RAD50: variants seen among roughly 807,000 people sequenced by gnomAD.
RAD50 encodes DNA repair protein RAD50.
A neutral mutation model predicts 168.8 loss-of-function variants in RAD50; 132 were observed. That is an observed-to-expected ratio of 0.78 (90% CI 0.68 to 0.90). The LOEUF (loss-of-function observed/expected upper bound fraction) is 0.90. RAD50 is among the 40% of genes least tolerant of loss of function. RAD50 has a pLI of 0.00. For missense variants in RAD50, 1,347 were observed against 1,534.4 expected (o/e 0.88, Z 2.04); for synonymous variants, 525 against 497.4 (o/e 1.06, Z -0.74).
At chr5:132,592,177 T>C in intron 11 of RAD50, 143 bp downstream of exon 11, 1 of 888,660 alleles carries the variant, frequency 1.1e-6, no homozygotes, top group Non-Finnish European at 1.7e-6. Context: ...CTTCAGAAAG[T>C]TCATGGAAAA....
intron 21 of RAD50, among the ~76,000 whole-genome samples, chr5:132,631,661 T>G (rs1188604016): frequency 6.6e-6 from 1 of 152,174 alleles, no homozygotes; most frequent in Non-Finnish European, 1.5e-5. Context: ...AAAGTCCAAG[T>G]GATAAAAGCG....
In RAD50 at chr5:132,632,583, A is replaced by G. The variant is rs1230496541; in HGVS notation, c.3390-4532A>G. On this transcript the variant is annotated intron_variant, in intron 21 of 24. Transcript: ENST00000378823. ...ATATTCTGTAAAATGCATGATATCT[A>G]CTTTATTTAACCACTATTGAACATA... Among the ~76,000 whole-genome samples the G allele has an allele frequency of 2.0e-5, 3 of 152,124 alleles. 1 individual carries two copies. Among genetic ancestry groups the G allele is most frequent in the African/African-American group, 7.2e-5 (3 of 41,394 alleles).
chr5:132,643,744 TA>T lies in RAD50; in HGVS notation c.*1382del. The T allele has an allele frequency of 4.4e-6, 1 of 225,458 alleles. No homozygotes were observed. 14.0% of individuals were successfully genotyped at this position (225,458 alleles called of 1,614,324 possible). A position where few individuals can be genotyped will look rare whatever the true frequency, so the allele number is the denominator to read the frequency against. ...GTGGGGTGGGGGGGGGTCCTAAATGTAATCACGAGTAAGATTAAGAGCAAAT... is the reference window on the plus strand; with the variant it reads ...GTGGGGTGGGGGGGGGTCCTAAATGTATCACGAGTAAGATTAAGAGCAAAT... On this transcript the variant is annotated 3_prime_UTR_variant, in exon 25 of 25. Coordinates refer to ENST00000378823, the MANE Select transcript of RAD50 (RefSeq NM_005732.4).
At chr5:132,638,606 T>C (rs1751646165) in intron 23 of RAD50, among the ~76,000 whole-genome samples, 1 of 152,176 alleles carries the variant, frequency 6.6e-6, no homozygotes, top group African/African-American at 2.4e-5. Flanking sequence ...CCATAAGATG[T>C]TTCAGAATCA....
intron 21 of RAD50, among the ~76,000 whole-genome samples, chr5:132,619,702 G>A (rs1196676340): frequency 6.7e-6 from 1 of 149,774 alleles, no homozygotes; most frequent in East Asian, 2.0e-4. Context: ...GATGACACTG[G>A]ATTTGATTTT....
chr5:132,640,543 T>G lies in RAD50; in HGVS notation c.3619-129T>G. 4.7e-6 allele frequency: 6 copies of G among 1,287,216 alleles called. No individual in the cohort carries two copies. The South Asian group carries it at 7.2e-5, about 15-fold the overall frequency. The allele number at this position is 1,287,216 out of a possible 1,614,324, so 79.7% of individuals were successfully genotyped here. On this transcript the variant is annotated intron_variant, in intron 23 of 24. Transcript: ENST00000378823. ...AGTGCTGGGCTCTCCCAGAGGGCAG[T>G]GCTTTACCTAACAGTGAACCTGTGA...
chr5:132,588,001 A>G lies in RAD50; in HGVS notation c.963A>G (p.Lys321=), dbSNP rs1554098197. 2 of 1,611,726 alleles carry G rather than the reference A, an allele frequency of 1.2e-6. No homozygotes were observed. The highest frequency in any genetic ancestry group is 1.7e-6 in the Non-Finnish European group (2 of 1,177,980). The change falls in exon 7 of 25, where the codon AAA becomes AAG. Residue 321 remains lysine (K), a synonymous_variant. Transcript: ENST00000378823. ...HQRTVREKER[K]LVDCHRELEK... is the part of the protein sequence containing the mutation. ...GAACAGTAAGGGAGAAAGAAAGGAA[A>G]TTGGTAGACTGTCATCGTGAACTGG... is the stretch of plus-strand genomic sequence containing the variant.
chr5:132,582,611 C>CT (rs1483653346), intron 5 of RAD50, among the ~76,000 whole-genome samples: 2 of 152,152 alleles, frequency 1.3e-5, no homozygotes, highest in African/African-American at 2.4e-5. Flanking sequence ...ATCCTGTCCT[C>CT]TTTTTTTGGC....
At chr5:132,618,998 TG>T (rs1292180311) in intron 21 of RAD50, among the ~76,000 whole-genome samples, 4 of 152,332 alleles carry the variant, frequency 2.6e-5, no homozygotes, top group Non-Finnish European at 4.4e-5. Context: ...TTTTTAAAAA[TG>T]ATATGATATT....
chr5:132,580,882 A>G (rs919309926), intron 5 of RAD50, among the ~76,000 whole-genome samples: 1 of 152,180 alleles, frequency 6.6e-6, no homozygotes, highest in African/African-American at 2.4e-5. Context: ...TAAAGTCATT[A>G]AAAAATTTAT....
chr5:132,561,374 G>T (rs1378821500), intron 2 of RAD50, among the ~76,000 whole-genome samples: 1 of 151,962 alleles, frequency 6.6e-6, no homozygotes, highest in Non-Finnish European at 1.5e-5. Flanking sequence ...TGTATTTTTA[G>T]CAGAGACGGG....
intron 19 of RAD50, among the ~76,000 whole-genome samples, chr5:132,613,771 A>G (rs1176286944): frequency 6.6e-6 from 1 of 151,464 alleles, no homozygotes; most frequent in Non-Finnish European, 1.5e-5. Context: ...TAATTTTTGT[A>G]TTTTTAGTAG....
chr5:132,645,884 A>C lies in RAD50; in HGVS notation c.*3520A>C, dbSNP rs2149869185. 1 of 152,240 alleles carries C rather than the reference A, an allele frequency of 6.6e-6. No homozygotes were observed. Among genetic ancestry groups the C allele is most frequent in the Non-Finnish European group, 1.5e-5 (1 of 68,022 alleles). The allele number at this position is 152,240 out of a possible 1,614,324, so 9.4% of individuals were successfully genotyped here. ...ACACAGCTGCTTTCCACAGTTTAAA[A>C]AGAAAGTCTGAGCAACATAGTGACA... On this transcript the variant is annotated 3_prime_UTR_variant, in exon 25 of 25. Transcript: ENST00000378823.
chr5:132,605,582 C>T (rs1166724708), intron 16 of RAD50, among the ~76,000 whole-genome samples: 4 of 151,984 alleles, frequency 2.6e-5, no homozygotes, highest in African/African-American at 9.7e-5. Context: ...TGGCCTCAAG[C>T]AATGCAGCCT....
intron 13 of RAD50, among the ~76,000 whole-genome samples, chr5:132,597,658 A>G (rs573763898): frequency 6.6e-6 from 1 of 152,352 alleles, no homozygotes; most frequent in African/African-American, 2.4e-5. Context: ...GTCCTGGCTG[A>G]CAGCTTGATT....
In RAD50 at chr5:132,643,126, T is replaced by A. The variant is rs551617807; in HGVS notation, c.*762T>A. 12 of 524,000 alleles carry A rather than the reference T, an allele frequency of 2.3e-5. 1 individual carries two copies. Among genetic ancestry groups the A allele is most frequent in the Admixed American group, 1.4e-4 (6 of 44,192 alleles). 32.5% of individuals were successfully genotyped at this position (524,000 alleles called of 1,614,324 possible). ...CCCATCGTGAAGAAGCCTGTAACAC[T>A]CCTCTGCGTCTATCCTGTGTAGCAT... On this transcript the variant is annotated 3_prime_UTR_variant, in exon 25 of 25. Transcript: ENST00000378823.
At chr5:132,569,572 A>C (rs1750265972) in intron 2 of RAD50, among the ~76,000 whole-genome samples, 1 of 152,254 alleles carries the variant, frequency 6.6e-6, no homozygotes, top group Admixed American at 6.5e-5. Flanking sequence ...TAGAGAAAAG[A>C]AGCAGATGAA....
intron 9 of RAD50, among the ~76,000 whole-genome samples, chr5:132,590,147 T>C (rs1750673019): frequency 6.6e-6 from 1 of 152,118 alleles, no homozygotes; most frequent in Non-Finnish European, 1.5e-5. Context: ...ACAACAAAAC[T>C]GGCTAATTCT....
chr5:132,589,548 A>C, intron 8 of RAD50, 83 bp from the exon 9 acceptor site: 1 of 1,084,446 alleles, frequency 9.2e-7, no homozygotes, highest in Non-Finnish European at 1.3e-6. Flanking sequence ...TATTTTCTTC[A>C]GTGTACATAT....
Sources: allele counts gnomAD v4.1 joint callset (sites outside exome capture counted in the v4.1 genomes callset), GRCh38; gene constraint gnomAD v4.1.1; transcripts MANE v1.5; gene names NCBI Gene and HGNC (gene_info 2026-07-23, HGNC 2026-07-21).